IFNG-AS1: variants seen among roughly 807,000 people sequenced by gnomAD.
IFNG-AS1 encodes the protein IFNG antisense RNA 1 (non-protein coding).
chr12:68,010,721 G>A (rs1018904682), intron 3 of IFNG-AS1, among the ~76,000 whole-genome samples: 2 of 152,062 alleles, frequency 1.3e-5, no homozygotes, highest in Non-Finnish European at 1.5e-5. Context: ...CTCCTTCTGT[G>A]TTCTTGCCTT....
chr12:68,017,074 G>T (rs1644191123), intron 3 of IFNG-AS1, among the ~76,000 whole-genome samples: 1 of 152,182 alleles, frequency 6.6e-6, no homozygotes, highest in South Asian at 2.1e-4. Context: ...TTGTCATAGA[G>T]GATCAGGGAA....
At chr12:68,020,567 G>A (rs1482991061) in intron 4 of IFNG-AS1, 1 of 152,114 alleles carries the variant, frequency 6.6e-6, no homozygotes, top group Non-Finnish European at 1.5e-5. Context: ...GGAGTTGTTG[G>A]CAAAACTGCC....
chr12:68,019,059 C>G (rs888748260), intron 3 of IFNG-AS1, among the ~76,000 whole-genome samples: 1 of 152,024 alleles, frequency 6.6e-6, no homozygotes, highest in Non-Finnish European at 1.5e-5. Flanking sequence ...TTTGATTAAG[C>G]GTTTGGGTCT....
intron 3 of IFNG-AS1, among the ~76,000 whole-genome samples, chr12:68,012,580 G>A (rs1880057244): frequency 6.6e-6 from 1 of 152,188 alleles, no homozygotes; most frequent in African/African-American, 2.4e-5. Flanking sequence ...TCATGTCAAA[G>A]CCACAGACAC....
At chr12:67,990,565 T>G (rs1235370733) in intron 1 of IFNG-AS1, among the ~76,000 whole-genome samples, 3 of 152,032 alleles carry the variant, frequency 2.0e-5, no homozygotes, top group Non-Finnish European at 4.4e-5. Context: ...TAAAGGAAAC[T>G]TTATACACCT....
intron 3 of IFNG-AS1, among the ~76,000 whole-genome samples, chr12:68,006,769 A>G (rs10784665): frequency 0.11 from 16,501 of 152,238 alleles, 1,150 homozygotes; most frequent in East Asian, 0.24. Flanking sequence ...TTGGTTCTGC[A>G]GCTGCAAGGA....
chr12:68,019,569 G>A (rs1268843051), intron 3 of IFNG-AS1, among the ~76,000 whole-genome samples: 1 of 152,142 alleles, frequency 6.6e-6, no homozygotes, highest in African/African-American at 2.4e-5. Context: ...CCTTGGTGAG[G>A]CCTGAAGGAG....
At chr12:68,002,883 A>G (rs1306218664) in intron 2 of IFNG-AS1, among the ~76,000 whole-genome samples, 1 of 152,226 alleles carries the variant, frequency 6.6e-6, no homozygotes, top group Non-Finnish European at 1.5e-5. Context: ...ACATGCTGTC[A>G]TGTGCTGCGT....
rs541230579 is a variant in IFNG-AS1 at position 68,006,991 on chromosome 12, C to A, written n.241+845C>A. Among the ~76,000 whole-genome samples, 4 of 152,214 alleles carry A rather than the reference C, an allele frequency of 2.6e-5. No individual in the cohort carries two copies. The South Asian group carries it at 8.3e-4, about 32-fold the overall frequency. ...AAAATAGTGATAACTTGTTACAAAG[C>A]AATAGAAAAGGAATATACCCTTAGA... On this transcript the variant is annotated intron_variant and non_coding_transcript_variant, in intron 3 of 5. Transcript: ENST00000536914.
At chr12:68,003,095 T>C (rs1485599713) in intron 2 of IFNG-AS1, among the ~76,000 whole-genome samples, 1 of 152,248 alleles carries the variant, frequency 6.6e-6, no homozygotes, top group Non-Finnish European at 1.5e-5. Context: ...TATAATTGCA[T>C]TACATAAATG....
At chr12:68,013,835 G>T (rs978603165) in intron 3 of IFNG-AS1, among the ~76,000 whole-genome samples, 1 of 152,136 alleles carries the variant, frequency 6.6e-6, no homozygotes, top group South Asian at 2.1e-4. Flanking sequence ...GGTGGTGTTT[G>T]GTTACATGAG....
intron 3 of IFNG-AS1, among the ~76,000 whole-genome samples, chr12:68,009,451 C>T (rs1483852576): frequency 1.3e-5 from 2 of 152,162 alleles, no homozygotes; most frequent in African/African-American, 4.8e-5. Context: ...AAGCAATTCT[C>T]CTGCCTCAGC....
chr12:68,007,634 T>C (rs1217310789), intron 3 of IFNG-AS1, among the ~76,000 whole-genome samples: 1 of 152,224 alleles, frequency 6.6e-6, no homozygotes, highest in Non-Finnish European at 1.5e-5. Context: ...AAGTAATCAC[T>C]ATAATACATG....
At chr12:68,018,191 G>T (rs1484750608) in intron 3 of IFNG-AS1, among the ~76,000 whole-genome samples, 1 of 151,982 alleles carries the variant, frequency 6.6e-6, no homozygotes, top group East Asian at 1.9e-4. Context: ...TTACCACATG[G>T]GTTAGAGTTA....
intron 3 of IFNG-AS1, among the ~76,000 whole-genome samples, chr12:68,006,872 G>T (rs1879917745): frequency 6.6e-6 from 1 of 152,200 alleles, no homozygotes; most frequent in Non-Finnish European, 1.5e-5. Context: ...CGGCAGCTTT[G>T]TGAGACCATG....
intron 3 of IFNG-AS1, among the ~76,000 whole-genome samples, chr12:68,012,785 G>T (rs1191372937): frequency 6.6e-6 from 1 of 152,216 alleles, no homozygotes; most frequent in Non-Finnish European, 1.5e-5. Context: ...ATTAAGGAAA[G>T]ACGACTAGCG....
intron 3 of IFNG-AS1, among the ~76,000 whole-genome samples, chr12:68,019,341 C>T (rs1229406910): frequency 6.6e-6 from 1 of 152,186 alleles, no homozygotes. Flanking sequence ...GATACCACCA[C>T]CATATTTTAT....
At chr12:68,008,597 T>G (rs565260049) in intron 3 of IFNG-AS1, among the ~76,000 whole-genome samples, 21 of 152,208 alleles carry the variant, frequency 1.4e-4, no homozygotes, top group African/African-American at 4.8e-4. Context: ...AATTTCTTGT[T>G]CGTAGGATGG....
chr12:68,000,070 CA>C (rs879355512), intron 2 of IFNG-AS1, among the ~76,000 whole-genome samples: 17 of 152,082 alleles, frequency 1.1e-4, no homozygotes, highest in Admixed American at 5.2e-4. Context: ...TGATAATTGG[CA>C]AATGTTGAAT....
Sources: allele counts gnomAD v4.1 joint callset (sites outside exome capture counted in the v4.1 genomes callset), GRCh38; gene constraint gnomAD v4.1.1; transcripts MANE v1.5; gene names NCBI Gene and HGNC (gene_info 2026-07-23, HGNC 2026-07-21).